The following BLVRB variants were observed in gnomAD, a reference collection of about 807,000 sequenced individuals.
BLVRB encodes biliverdin reductase B, also known as flavin reductase (NADPH).
A neutral mutation model predicts 21.1 loss-of-function variants in BLVRB; 25 were observed. The ratio of observed to expected loss-of-function variants is 1.19; its 90% CI spans 0.86 to 1.66. The LOEUF (loss-of-function observed/expected upper bound fraction) is 1.66. Among genes scored for constraint, BLVRB ranks in the 40% most tolerant of loss-of-function variants. The pLI, the probability that BLVRB is intolerant of heterozygous loss-of-function variation, is 0.00. For missense variants in BLVRB, 274 were observed against 282.7 expected, an observed-to-expected ratio of 0.97 and a Z score of 0.22; for synonymous variants, 128 against 122.2, an observed-to-expected ratio of 1.05 and a Z score of -0.31.
intron 1 of BLVRB, among the ~76,000 whole-genome samples, chr19:40,462,690 G>A (rs2079793261): frequency 6.7e-6 from 1 of 148,724 alleles, no homozygotes; most frequent in Non-Finnish European, 1.5e-5. Flanking sequence ...AGGAGATGGA[G>A]ACCATCCTGG....
At chr19:40,458,778 C>T (rs1344560157) in intron 1 of BLVRB, among the ~76,000 whole-genome samples, 1 of 152,048 alleles carries the variant, frequency 6.6e-6, no homozygotes, top group Non-Finnish European at 1.5e-5. Flanking sequence ...ACTGCAGCCT[C>T]AACCTCCGGG....
In BLVRB at chr19:40,447,795, TA is replaced by T; in HGVS notation, c.*93del. 1 of 1,425,372 alleles carries T rather than the reference TA, an allele frequency of 7.0e-7. No individual in the cohort carries two copies. Among genetic ancestry groups the T allele is most frequent in the Non-Finnish European group, 9.6e-7 (1 of 1,044,892 alleles). The allele number at this position is 1,425,372 out of a possible 1,614,324, so 88.3% of individuals were successfully genotyped here. On this transcript the variant is annotated 3_prime_UTR_variant, in exon 5 of 5. Coordinates refer to ENST00000263368, the MANE Select transcript of BLVRB (RefSeq NM_000713.3). Reference sequence around the variant, plus strand: ...GGAAGAGTCACACAGTCGGTTTCTCTAGAGTAATTTGAAGCTCTTGGCTCAA... The same window carrying T: ...GGAAGAGTCACACAGTCGGTTTCTCTGAGTAATTTGAAGCTCTTGGCTCAA...
At chr19:40,451,340 C>G in intron 4 of BLVRB, 24 bp downstream of exon 4, 1 of 1,588,490 alleles carries the variant, frequency 6.3e-7, no homozygotes, top group Non-Finnish European at 8.6e-7. Context: ...GGCATTGGTG[C>G]CACCAGGTCC....
intron 3 of BLVRB, among the ~76,000 whole-genome samples, chr19:40,453,726 T>C (rs1483494739): frequency 6.6e-6 from 1 of 152,166 alleles, no homozygotes; most frequent in Non-Finnish European, 1.5e-5. Flanking sequence ...GCAGAGTGGC[T>C]CACACCTGTA....
In BLVRB at chr19:40,448,161, G is replaced by A. The variant is rs183585098; in HGVS notation, c.464-115C>T. On this transcript the variant is annotated intron_variant, in intron 4 of 4. Transcript: ENST00000263368. The stretch of plus-strand genomic sequence containing the variant: ...CTACTGTGTGTCCAGCCTGGGTGGT[G>A]TCACAGCCAAGAATGGACTTTCCAT... 4 of 1,142,012 alleles carry A rather than the reference G, an allele frequency of 3.5e-6. No homozygotes were observed. The East Asian group carries it at 1.0e-4, about 30-fold the overall frequency. The allele number at this position is 1,142,012 out of a possible 1,614,324, so 70.7% of individuals were successfully genotyped here.
At position 40,451,367 on chromosome 19, in the gene BLVRB, T is replaced by A. The variant is rs751499697; in HGVS notation, c.460A>T (p.Ile154Leu). ...ACCAGGTCCCTGCCCTGCTTACCTA[T>A]GTGTGGCGGCATCACAGCCACGTAC... ...LKYVAVMPPH[I>L]GDQPLTGAYT... Residue 154 changes from isoleucine (I) to leucine (L), a missense_variant, in exon 4 of 5, where the codon ATA (isoleucine) becomes TTA (leucine). Coordinates refer to ENST00000263368, the MANE Select transcript of BLVRB (RefSeq NM_000713.3). 1.2e-6 allele frequency: 2 copies of A among 1,602,312 alleles called. No homozygotes were observed. The highest frequency in any genetic ancestry group is 2.2e-5 in the East Asian group (1 of 44,612).
At chr19:40,465,373 G>A (rs1250429041) in intron 1 of BLVRB, among the ~76,000 whole-genome samples, 1 of 152,230 alleles carries the variant, frequency 6.6e-6, no homozygotes, top group Non-Finnish European at 1.5e-5. Context: ...GACTGTGCCA[G>A]TGGAGTCCTC....
chr19:40,459,975 A>C (rs2079779387), intron 1 of BLVRB, among the ~76,000 whole-genome samples: 1 of 152,106 alleles, frequency 6.6e-6, no homozygotes, highest in African/African-American at 2.4e-5. Flanking sequence ...TGAGGGGGAC[A>C]TGGGTTGCCT....
Position 40,458,491 on chromosome 19 carries a change from G to A in BLVRB, c.134C>T (p.Pro45Leu). ...RDSSRLPSEG[P>L]RPAHVVVGDV... ...TCCCACTACCACGTGGGCCGGCCGG[G>A]GCCCCTCTGATGGCAGCCTGGAGGA... Residue 45 changes from proline (P) to leucine (L), a missense_variant, in exon 2 of 5, where the codon CCC (proline) becomes CTC (leucine). Pro to Leu is a moderately conservative substitution (Grantham distance 98, BLOSUM62 -3). Transcript: ENST00000263368. 6.2e-7 allele frequency: 1 copy of A among 1,611,000 alleles called. No homozygotes were observed. The highest frequency in any genetic ancestry group is 8.5e-7 in the Non-Finnish European group (1 of 1,179,086).
chr19:40,465,417 G>A (rs920650689), intron 1 of BLVRB, among the ~76,000 whole-genome samples, 193 bp downstream of exon 1: 2 of 152,198 alleles, frequency 1.3e-5, no homozygotes, highest in African/African-American at 4.8e-5. Context: ...TCTCTGGCTT[G>A]GACTCACATA....
intron 1 of BLVRB, among the ~76,000 whole-genome samples, chr19:40,460,412 G>T (rs1260831134): frequency 1.3e-5 from 2 of 149,942 alleles, no homozygotes; most frequent in Admixed American, 1.3e-4. Flanking sequence ...AAGATTGTTT[G>T]AGGCCAGGAG....
rs1265562450 is a variant in BLVRB at position 40,448,016 on chromosome 19, A to C, written c.494T>G (p.Val165Gly). ...GDQPLTGAYTVTLDGRGPSRV... is the reference protein window; with the variant it reads ...GDQPLTGAYTGTLDGRGPSRV... ...TGAGGGCCCTCGTCCATCCAGGGTCACTGTGTACGCCCCAGTTAGTGGCTG... is the reference window on the plus strand; with the variant it reads ...TGAGGGCCCTCGTCCATCCAGGGTCCCTGTGTACGCCCCAGTTAGTGGCTG... The change falls in exon 5 of 5, where the codon GTG becomes GGG. Residue 165 changes from valine (V) to glycine (G), a missense_variant. By Grantham distance (109) the Val-to-Gly change is moderately radical. Transcript: ENST00000263368. 1 of 1,614,050 alleles carries C rather than the reference A, an allele frequency of 6.2e-7. No individual in the cohort carries two copies.
chr19:40,462,414 G>A (rs1387084406), intron 1 of BLVRB, among the ~76,000 whole-genome samples: 6 of 151,524 alleles, frequency 4.0e-5, no homozygotes, highest in African/African-American at 1.2e-4. Flanking sequence ...GAGTAGCTGG[G>A]ATTATAGGTG....
chr19:40,465,519 C>A, intron 1 of BLVRB, 91 bp downstream of exon 1: 1 of 1,491,244 alleles, frequency 6.7e-7, no homozygotes, highest in Non-Finnish European at 9.0e-7. Flanking sequence ...GCGCTCATGG[C>A]CCCAATCAGC....
chr19:40,465,523 A>T (rs2079808990), intron 1 of BLVRB, 87 bp downstream of exon 1: 1 of 1,508,414 alleles, frequency 6.6e-7, no homozygotes, highest in Non-Finnish European at 8.9e-7. Flanking sequence ...TCATGGCCCC[A>T]ATCAGCCTCG....
At chr19:40,453,678 T>C (rs1338206910) in intron 3 of BLVRB, among the ~76,000 whole-genome samples, 1 of 152,178 alleles carries the variant, frequency 6.6e-6, no homozygotes, top group Admixed American at 6.6e-5. Flanking sequence ...TGTTTCCTCA[T>C]GTGCAAACTG....
At chr19:40,461,172 C>A (rs1006255890) in intron 1 of BLVRB, among the ~76,000 whole-genome samples, 7 of 152,138 alleles carry the variant, frequency 4.6e-5, no homozygotes, top group African/African-American at 1.7e-4. Context: ...CATGAGCTAC[C>A]GAGCGTGGCC....
intron 1 of BLVRB, among the ~76,000 whole-genome samples, chr19:40,462,169 C>G (rs1194679383): frequency 6.6e-6 from 1 of 152,222 alleles, no homozygotes; most frequent in Non-Finnish European, 1.5e-5. Context: ...GATCACAGCA[C>G]CAGCCTCCCC....
At chr19:40,463,543 CTCCCTCCCTCCT>C (rs1352122377) in intron 1 of BLVRB, among the ~76,000 whole-genome samples, 1 of 144,162 alleles carries the variant, frequency 6.9e-6, no homozygotes, top group Non-Finnish European at 1.5e-5. Context: ...CCCTCCCTCC[CTCCCTCCCTCCT>C]TCCCTCCCTT....
Sources: gnomAD v4.1 joint callset for allele counts (sites outside exome capture counted in the v4.1 genomes callset) on GRCh38, gnomAD v4.1.1 for gene constraint, MANE v1.5 for transcripts, NCBI Gene and HGNC (gene_info 2026-07-23, HGNC 2026-07-21) for gene names.